The following KCND3 variants were observed in gnomAD, a reference collection of about 807,000 sequenced individuals.
KCND3 encodes potassium voltage-gated channel subfamily D member 3.
A neutral mutation model predicts 51.1 loss-of-function variants in KCND3; 9 were observed. The observed-to-expected ratio is 0.18, with a 90% confidence interval of 0.11 to 0.31. The LOEUF is 0.31. KCND3 is among the 10% of genes least tolerant of loss of function. The pLI, the probability that KCND3 is intolerant of heterozygous loss-of-function variation, is 1.00. For missense variants in KCND3, 526 were observed against 903.8 expected (o/e 0.58, Z 5.36); for synonymous variants, 349 against 368.0 (o/e 0.95, Z 0.59).
chr1:111,867,627 C>G (rs1192141933), intron 2 of KCND3, among the ~76,000 whole-genome samples: 1 of 152,150 alleles, frequency 6.6e-6, no homozygotes, highest in East Asian at 1.9e-4. Flanking sequence ...GGGAGCAGTT[C>G]TTGCTAAAGT....
At chr1:111,902,141 T>C (rs943844561) in intron 2 of KCND3, among the ~76,000 whole-genome samples, 5 of 152,038 alleles carry the variant, frequency 3.3e-5, no homozygotes, top group Admixed American at 3.3e-4. Context: ...ACCTGGCCAG[T>C]GGGTCCGAGA....
intron 2 of KCND3, among the ~76,000 whole-genome samples, chr1:111,851,877 C>G (rs1307741103): frequency 6.6e-6 from 1 of 152,242 alleles, no homozygotes; most frequent in Non-Finnish European, 1.5e-5. Context: ...CCACTGCCCA[C>G]TTGCTGAGGG....
intron 2 of KCND3, among the ~76,000 whole-genome samples, chr1:111,977,976 C>T (rs529400780): frequency 6.6e-6 from 1 of 152,270 alleles, no homozygotes; most frequent in African/African-American, 2.4e-5. Flanking sequence ...CATTTGGGAA[C>T]TCAGCTGTCA....
intron 2 of KCND3, among the ~76,000 whole-genome samples, chr1:111,950,730 T>C (rs1031918604): frequency 6.6e-6 from 1 of 152,104 alleles, no homozygotes; most frequent in Non-Finnish European, 1.5e-5. Flanking sequence ...AGCCCTTCCT[T>C]AAGGCCTTTG....
At chr1:111,976,611 A>G (rs548059031) in intron 2 of KCND3, among the ~76,000 whole-genome samples, 1 of 152,380 alleles carries the variant, frequency 6.6e-6, no homozygotes, top group South Asian at 2.1e-4. Flanking sequence ...TGGCGGAAAG[A>G]CACATAAACA....
At chr1:111,870,121 A>C (rs1161050204) in intron 2 of KCND3, among the ~76,000 whole-genome samples, 2 of 152,242 alleles carry the variant, frequency 1.3e-5, no homozygotes, top group Non-Finnish European at 2.9e-5. Flanking sequence ...CTATGAAGTA[A>C]GCATAATTGT....
At chr1:111,889,000 G>T (rs1669700346) in intron 2 of KCND3, among the ~76,000 whole-genome samples, 1 of 152,148 alleles carries the variant, frequency 6.6e-6, no homozygotes, top group Admixed American at 6.5e-5. Flanking sequence ...TGTGTGCGAG[G>T]GCAGCAGGAG....
At position 111,774,686 on chromosome 1, in the gene KCND3, G is replaced by A. The variant is rs1052084346; in HGVS notation, c.*1391C>T. ...CATCTAGAATCTCTTACTTGCTTTTGCTTTGAAGCATTTTTCTTGAGGCAC... is the reference window on the plus strand; with the variant it reads ...CATCTAGAATCTCTTACTTGCTTTTACTTTGAAGCATTTTTCTTGAGGCAC... On this transcript the variant is annotated 3_prime_UTR_variant, in exon 8 of 8. Coordinates refer to ENST00000302127, the MANE Select transcript of KCND3 (RefSeq NM_001378969.1). The A allele has an allele frequency of 1.3e-5, 2 of 152,162 alleles. No individual in the cohort carries two copies. The highest frequency in any genetic ancestry group is 2.4e-5 in the African/African-American group (1 of 41,412). 9.4% of individuals were successfully genotyped at this position (152,162 alleles called of 1,614,324 possible). A position where few individuals can be genotyped will look rare whatever the true frequency, so the allele number is the denominator to read the frequency against.
At chr1:111,791,214 G>A (rs590469) in intron 2 of KCND3, among the ~76,000 whole-genome samples, 6,146 of 152,268 alleles carry the variant, frequency 0.04, 385 homozygotes, top group African/African-American at 0.14. Context: ...GTTATTGTCC[G>A]TCTTTTTATA....
At chr1:111,818,471 C>T (rs1056693637) in intron 2 of KCND3, among the ~76,000 whole-genome samples, 14 of 152,324 alleles carry the variant, frequency 9.2e-5, no homozygotes, top group South Asian at 6.2e-4. Context: ...AACAACCTCA[C>T]GTTGTGCCAG....
intron 2 of KCND3, among the ~76,000 whole-genome samples, chr1:111,814,497 TA>T (rs1665996994): frequency 1.3e-5 from 2 of 152,220 alleles, no homozygotes; most frequent in African/African-American, 2.4e-5. Flanking sequence ...CGACATAACT[TA>T]GCACGAGCTC....
chr1:111,828,731 T>C (rs1030397454), intron 2 of KCND3, among the ~76,000 whole-genome samples: 4 of 152,222 alleles, frequency 2.6e-5, no homozygotes, highest in Non-Finnish European at 4.4e-5. Flanking sequence ...TCTGTCCTTT[T>C]ACTCGGATCC....
At chr1:111,964,110 A>G (rs1217165299) in intron 2 of KCND3, among the ~76,000 whole-genome samples, 1 of 152,160 alleles carries the variant, frequency 6.6e-6, no homozygotes, top group South Asian at 2.1e-4. Context: ...AGGCACTTAC[A>G]TGCCATTATG....
intron 2 of KCND3, among the ~76,000 whole-genome samples, chr1:111,971,397 T>C (rs1250449397): frequency 5.9e-5 from 9 of 151,506 alleles, no homozygotes; most frequent in Non-Finnish European, 1.3e-4. Flanking sequence ...AAACACAGTA[T>C]AAAAGGGAAT....
At chr1:111,985,824 T>C (rs1211130533) in intron 1 of KCND3, among the ~76,000 whole-genome samples, 4 of 152,202 alleles carry the variant, frequency 2.6e-5, no homozygotes, top group Admixed American at 2.6e-4. Context: ...AGTCAGATGC[T>C]GCAGAAGACA....
At chr1:111,784,673 A>G (rs549994089) in intron 3 of KCND3, among the ~76,000 whole-genome samples, 6 of 152,280 alleles carry the variant, frequency 3.9e-5, no homozygotes, top group African/African-American at 1.4e-4. Context: ...TGACAGACTC[A>G]ATGCTGGAGC....
chr1:111,944,058 A>G (rs1295385700), intron 2 of KCND3, among the ~76,000 whole-genome samples: 1 of 152,230 alleles, frequency 6.6e-6, no homozygotes, highest in African/African-American at 2.4e-5. Context: ...CTTGACAACT[A>G]TTTATTAGAC....
At chr1:111,906,441 ACCT>A (rs1380207921) in intron 2 of KCND3, among the ~76,000 whole-genome samples, 2 of 151,978 alleles carry the variant, frequency 1.3e-5, no homozygotes, top group Non-Finnish European at 2.9e-5. Context: ...ATCCTTTCTG[ACCT>A]CCTGCCATTT....
At chr1:111,789,516 C>T (rs1664743492) in intron 2 of KCND3, among the ~76,000 whole-genome samples, 1 of 152,208 alleles carries the variant, frequency 6.6e-6, no homozygotes, top group Non-Finnish European at 1.5e-5. Context: ...AACCACTGCC[C>T]TGGATCTTTG....
Sources: gnomAD v4.1 joint callset for allele counts (sites outside exome capture counted in the v4.1 genomes callset) on GRCh38, gnomAD v4.1.1 for gene constraint, MANE v1.5 for transcripts, NCBI Gene and HGNC (gene_info 2026-07-23, HGNC 2026-07-21) for gene names.